The following ZBTB7C variants were observed in gnomAD, a reference collection of about 807,000 sequenced individuals.
ZBTB7C encodes the protein zinc finger and BTB domain-containing protein 7C.
A neutral mutation model predicts 25.7 loss-of-function variants in ZBTB7C; 8 were observed. That is an observed-to-expected ratio of 0.31 (90% CI 0.18 to 0.56). The LOEUF is 0.56. ZBTB7C is among the 20% of genes least tolerant of loss of function. The pLI is 0.91. For missense variants in ZBTB7C, 824 were observed against 855.2 expected (o/e 0.96, Z 0.46); for synonymous variants, 394 against 369.0 (o/e 1.07, Z -0.78).
intron 3 of ZBTB7C, among the ~76,000 whole-genome samples, chr18:48,086,937 A>G (rs2038211535): frequency 6.6e-6 from 1 of 152,204 alleles, no homozygotes; most frequent in Non-Finnish European, 1.5e-5. Context: ...TTGAGTGCTT[A>G]CTTCCTACAA....
intron 2 of ZBTB7C, among the ~76,000 whole-genome samples, chr18:48,206,926 A>G (rs955808192): frequency 6.6e-6 from 1 of 152,238 alleles, no homozygotes; most frequent in Admixed American, 6.5e-5. Flanking sequence ...GTAAAAACGC[A>G]AGCTGTAGAA....
At chr18:48,164,278 A>G (rs2041167041) in intron 3 of ZBTB7C, among the ~76,000 whole-genome samples, 1 of 152,218 alleles carries the variant, frequency 6.6e-6, no homozygotes, top group African/African-American at 2.4e-5. Flanking sequence ...TCCCGGTCCC[A>G]GCAACAAGCG....
intron 3 of ZBTB7C, among the ~76,000 whole-genome samples, chr18:48,075,968 C>T (rs373027323): frequency 2.0e-4 from 30 of 152,218 alleles, no homozygotes; most frequent in Admixed American, 1.8e-3. Flanking sequence ...CATGTAGTAC[C>T]GGGTGCCAAA....
intron 2 of ZBTB7C, among the ~76,000 whole-genome samples, chr18:48,248,646 A>G (rs1434924967): frequency 1.3e-5 from 2 of 152,178 alleles, no homozygotes; most frequent in African/African-American, 2.4e-5. Flanking sequence ...GTAATCTCCA[A>G]GAAGATGAAA....
intron 3 of ZBTB7C, among the ~76,000 whole-genome samples, chr18:48,171,940 G>A (rs1475451396): frequency 6.6e-6 from 1 of 152,224 alleles, no homozygotes; most frequent in Non-Finnish European, 1.5e-5. Context: ...TGGTCTTTCT[G>A]TTTTCATGTC....
At chr18:48,213,238 T>C (rs2042743766) in intron 2 of ZBTB7C, among the ~76,000 whole-genome samples, 1 of 152,252 alleles carries the variant, frequency 6.6e-6, no homozygotes, top group Non-Finnish European at 1.5e-5. Flanking sequence ...TCCTTTAACT[T>C]TCTCAATGAC....
intron 3 of ZBTB7C, among the ~76,000 whole-genome samples, chr18:48,097,190 G>A (rs2038665060): frequency 6.6e-6 from 1 of 152,158 alleles, no homozygotes; most frequent in African/African-American, 2.4e-5. Flanking sequence ...AGCTAGGCTA[G>A]CTGAGACCTT....
intron 2 of ZBTB7C, among the ~76,000 whole-genome samples, chr18:48,193,469 C>G (rs1197989813): frequency 6.6e-6 from 1 of 152,040 alleles, no homozygotes; most frequent in South Asian, 2.1e-4. Context: ...CTTGCTCCCC[C>G]ATCCAAAAAA....
chr18:48,062,152 A>G (rs1161534706), intron 3 of ZBTB7C, among the ~76,000 whole-genome samples: 4 of 152,242 alleles, frequency 2.6e-5, no homozygotes, highest in African/African-American at 9.6e-5. Context: ...TTCCTCTGAA[A>G]ACCTTTGGCC....
At chr18:48,055,488 AG>A (rs2036879076) in intron 3 of ZBTB7C, among the ~76,000 whole-genome samples, 1 of 151,160 alleles carries the variant, frequency 6.6e-6, no homozygotes, top group Non-Finnish European at 1.5e-5. Context: ...AGCAAGTCAG[AG>A]CTAGGTGTCT....
chr18:48,109,860 C>T (rs1193947685), intron 3 of ZBTB7C, among the ~76,000 whole-genome samples: 1 of 152,154 alleles, frequency 6.6e-6, no homozygotes, highest in African/African-American at 2.4e-5. Context: ...AACAAGTGCA[C>T]CACTGCAGCC....
At position 48,383,329 on chromosome 18, in the gene ZBTB7C, G is replaced by A. The variant is rs962849647; in HGVS notation, c.-304+25897C>T. Among the ~76,000 whole-genome samples the A allele has an allele frequency of 2.6e-5, 4 of 152,178 alleles. No homozygotes were observed. The East Asian group carries it at 5.8e-4, about 22-fold the overall frequency. On this transcript the variant is annotated intron_variant, in intron 1 of 4. Coordinates refer to ENST00000590800, the MANE Select transcript of ZBTB7C (RefSeq NM_001318841.2). ...CACCCAGGATGGAGTGCAGTGGCGCGAACTCGGCTCACTGCAGCCTCGACC... is the reference window on the plus strand; with the variant it reads ...CACCCAGGATGGAGTGCAGTGGCGCAAACTCGGCTCACTGCAGCCTCGACC...
intron 3 of ZBTB7C, among the ~76,000 whole-genome samples, chr18:48,156,687 T>C (rs2040849496): frequency 6.6e-6 from 1 of 152,234 alleles, no homozygotes; most frequent in Admixed American, 6.5e-5. Context: ...TGGCACTTCC[T>C]GCACTCAAAT....
chr18:48,098,854 A>G (rs2038733122), intron 3 of ZBTB7C, among the ~76,000 whole-genome samples: 1 of 152,176 alleles, frequency 6.6e-6, no homozygotes. Flanking sequence ...GAAATTGGAG[A>G]GGCCATGAGG....
At chr18:48,307,888 C>T (rs949834263) in intron 2 of ZBTB7C, among the ~76,000 whole-genome samples, 1 of 152,128 alleles carries the variant, frequency 6.6e-6, no homozygotes, top group Non-Finnish European at 1.5e-5. Flanking sequence ...TTTTCTGCTG[C>T]CTTCCTCTGT....
intron 1 of ZBTB7C, among the ~76,000 whole-genome samples, chr18:48,377,184 C>A (rs1166521112): frequency 6.6e-6 from 1 of 152,170 alleles, no homozygotes; most frequent in South Asian, 2.1e-4. Flanking sequence ...TTCCACAGAC[C>A]ACTTTGTTCT....
intron 2 of ZBTB7C, among the ~76,000 whole-genome samples, chr18:48,199,654 G>A (rs1202096998): frequency 4.0e-4 from 52 of 129,722 alleles, no homozygotes; most frequent in Non-Finnish European, 2.3e-4. Flanking sequence ...TCCCCCTCCC[G>A]CTCCTCCTCA....
At chr18:48,062,181 G>T (rs4940226) in intron 3 of ZBTB7C, among the ~76,000 whole-genome samples, 16,585 of 152,228 alleles carry the variant, frequency 0.11, 1,214 homozygotes, top group South Asian at 0.15. Context: ...CTTCAATATT[G>T]CTATAACTTC....
intron 4 of ZBTB7C, among the ~76,000 whole-genome samples, chr18:48,032,719 A>G (rs1285503638): frequency 6.6e-6 from 1 of 152,008 alleles, no homozygotes; most frequent in Non-Finnish European, 1.5e-5. Context: ...TACAGGTGTG[A>G]GCCACCGCCC....
Sources: allele counts gnomAD v4.1 joint callset (sites outside exome capture counted in the v4.1 genomes callset), GRCh38; gene constraint gnomAD v4.1.1; transcripts MANE v1.5; gene names NCBI Gene and HGNC (gene_info 2026-07-23, HGNC 2026-07-21).